PLEKHM2: variants seen among roughly 807,000 people sequenced by gnomAD.
The protein encoded by PLEKHM2 is pleckstrin homology and RUN domain containing M2, also known as pleckstrin homology domain-containing family M member 2.
In PLEKHM2, 77 loss-of-function variants were observed where a neutral mutation model predicts 116.3. That is an observed-to-expected ratio of 0.66 (90% CI 0.55 to 0.80). PLEKHM2 has a LOEUF of 0.80. PLEKHM2 is among the 30% of genes least tolerant of loss of function. The pLI is 0.00. For synonymous variants in PLEKHM2, 562 were observed against 571.0 expected (o/e 0.98, Z 0.22); for missense variants, 1,183 against 1,354.9 (o/e 0.87, Z 1.99).
rs975057068 is a variant in PLEKHM2, at chr1:15,721,754, A to G, written c.712+366A>G. Among the ~76,000 whole-genome samples, 8 of 152,198 alleles carry G rather than the reference A, an allele frequency of 5.3e-5. No individual in the cohort carries two copies. Among genetic ancestry groups the G allele is most frequent in the Admixed American group, 1.3e-4 (2 of 15,278 alleles). ...GTTCTGGAAAACCATGCCTTTAAACATGCGGGTTGTAAGCTCCTGCGGGTC... is the reference window on the plus strand; with the variant it reads ...GTTCTGGAAAACCATGCCTTTAAACGTGCGGGTTGTAAGCTCCTGCGGGTC... On this transcript the variant is annotated intron_variant, in intron 7 of 19. Coordinates refer to ENST00000375799, the MANE Select transcript of PLEKHM2 (RefSeq NM_015164.4). The surrounding 1 kb of genome is among the most constrained non-coding windows in gnomAD (Gnocchi z 5.1).
In PLEKHM2 at chr1:15,728,215, C is replaced by T. The variant is rs1001542916; in HGVS notation, c.1831-52C>T. On this transcript the variant is annotated intron_variant, in intron 10 of 19. Transcript: ENST00000375799. The surrounding 1 kb of genome is among the most constrained non-coding windows in gnomAD (Gnocchi z 5.9). The stretch of plus-strand genomic sequence containing the variant: ...GCAAGGCGGGATGGGCCACCGCCCC[C>T]GCTGGAGCGGCAGGAGCCACCTGCC... The T allele has an allele frequency of 1.1e-5, 17 of 1,605,874 alleles. No individual in the cohort carries two copies. In the East Asian group the frequency reaches 1.3e-4, roughly 13 times the overall value.
chr1:15,686,045 CAAAT>C (rs1047885316), intron 1 of PLEKHM2, among the ~76,000 whole-genome samples: 4 of 152,086 alleles, frequency 2.6e-5, no homozygotes, highest in Admixed American at 6.6e-5. Flanking sequence ...GGATTTCAAA[CAAAT>C]GAATGGAGAA....
chr1:15,684,584 G>T lies in PLEKHM2; in HGVS notation c.26G>T (p.Arg9Leu). The T allele has an allele frequency of 7.6e-7, 1 of 1,311,382 alleles. No individual in the cohort carries two copies. The highest frequency in any genetic ancestry group is 9.8e-7 in the Non-Finnish European group (1 of 1,016,614). The allele number at this position is 1,311,382 out of a possible 1,614,324, so 81.2% of individuals were successfully genotyped here. MEPGEVKD[R>L]ILENISLSVK... ...ATGGAGCCGGGGGAGGTGAAGGACC[G>T]GATCCTGGAGAACATCTCGCTGTCG... The change falls in exon 1 of 20, where the codon CGG (arginine) becomes CTG (leucine). Residue 9 changes from arginine (R) to leucine (L), a missense_variant. By Grantham distance (102) the Arg-to-Leu change is moderately radical. Transcript: ENST00000375799.
chr1:15,723,744 CA>C (rs1056474462), intron 7 of PLEKHM2, among the ~76,000 whole-genome samples: 1,088 of 76,306 alleles, frequency 0.014, 12 homozygotes, highest in African/African-American at 0.04. Flanking sequence ...GACCCTGTCT[CA>C]AAAAAAAAAA....
At chr1:15,731,376 C>T in intron 16 of PLEKHM2, 119 bp downstream of exon 16, 1 of 786,312 alleles carries the variant, frequency 1.3e-6, no homozygotes, top group East Asian at 2.7e-5. Context: ...CATCCAGCGG[C>T]CCTGACAGGT....
intron 7 of PLEKHM2, among the ~76,000 whole-genome samples, chr1:15,724,386 G>C (rs995218947): frequency 1.3e-5 from 2 of 152,168 alleles, no homozygotes; most frequent in Admixed American, 1.3e-4. Context: ...GGGAGGCTAA[G>C]GCAGGAGAAT....
intron 1 of PLEKHM2, among the ~76,000 whole-genome samples, chr1:15,687,158 GTTTGTTT>G (rs571310250): frequency 5.3e-5 from 8 of 151,878 alleles, no homozygotes; most frequent in East Asian, 2.0e-4. Flanking sequence ...GATTTTGTTT[GTTTGTTT>G]TTTGTTTTTT....
At position 15,727,946 on chromosome 1, in the gene PLEKHM2, G is replaced by T; in HGVS notation, c.1760+114G>T. On this transcript the variant is annotated intron_variant, in intron 9 of 19. Coordinates refer to ENST00000375799, the MANE Select transcript of PLEKHM2 (RefSeq NM_015164.4). The surrounding 1 kb of genome is among the most constrained non-coding windows in gnomAD (Gnocchi z 7.5). ...AGGAAGACCTAGCCTGAGTGAGAAG[G>T]GGTGTGAGCCTCCCTCCCTAACTTT... 2 of 1,189,514 alleles carry T rather than the reference G, an allele frequency of 1.7e-6. No homozygotes were observed. Among genetic ancestry groups the T allele is most frequent in the Non-Finnish European group, 1.2e-6 (1 of 826,074 alleles). 73.7% of individuals were successfully genotyped at this position (1,189,514 alleles called of 1,614,324 possible). A position where few individuals can be genotyped will look rare whatever the true frequency, so the allele number is the denominator to read the frequency against.
At chr1:15,706,525 C>A (rs933278758) in intron 1 of PLEKHM2, among the ~76,000 whole-genome samples, 2 of 152,182 alleles carry the variant, frequency 1.3e-5, no homozygotes, top group Non-Finnish European at 2.9e-5. Flanking sequence ...CCTGCCTCAG[C>A]CTCCCGAGTA....
chr1:15,705,992 A>C (rs901867555), intron 1 of PLEKHM2, among the ~76,000 whole-genome samples: 1 of 152,106 alleles, frequency 6.6e-6, no homozygotes. Context: ...GGGAGGTTGA[A>C]GTGGGAGGAT....
intron 1 of PLEKHM2, among the ~76,000 whole-genome samples, chr1:15,714,348 TAAAAAAAAAA>T (rs764341573): frequency 1.8e-5 from 2 of 110,236 alleles, no homozygotes; most frequent in Admixed American, 2.0e-4. Flanking sequence ...ATTTTGAAAT[TAAAAAAAAAA>T]AAAAAAAAAA....
chr1:15,725,025 GA>G (rs1445464712), intron 7 of PLEKHM2, among the ~76,000 whole-genome samples: 1 of 152,218 alleles, frequency 6.6e-6, no homozygotes, highest in East Asian at 1.9e-4. Flanking sequence ...CCTGGAGCTT[GA>G]GCCTGGAGGC....
intron 7 of PLEKHM2, chr1:15,722,984 G>A (rs1414193514): frequency 6.6e-6 from 1 of 152,168 alleles, no homozygotes; most frequent in African/African-American, 2.4e-5. Flanking sequence ...CTCAGGGCAG[G>A]GTGAGATTTC....
intron 7 of PLEKHM2, chr1:15,722,649 G>A (rs1205291705): frequency 1.3e-5 from 2 of 152,210 alleles, no homozygotes; most frequent in African/African-American, 4.8e-5. Context: ...ATGTGAGTAT[G>A]AAATACCTTA....
rs977497510 is a variant in PLEKHM2, at chr1:15,734,750, T to C, written c.*816T>C. 3 of 152,124 alleles carry C rather than the reference T, an allele frequency of 2.0e-5. No individual in the cohort carries two copies. Among genetic ancestry groups the C allele is most frequent in the African/African-American group, 2.4e-5 (1 of 41,434 alleles). The allele number at this position is 152,124 out of a possible 1,614,324, so 9.4% of individuals were successfully genotyped here. ...TTGGGTTTTGTTTTTTAAAATAAAATAGACATGTTATATTGCCAAGGCTTG... is the reference window on the plus strand; with the variant it reads ...TTGGGTTTTGTTTTTTAAAATAAAACAGACATGTTATATTGCCAAGGCTTG... On this transcript the variant is annotated 3_prime_UTR_variant, in exon 20 of 20. Coordinates refer to ENST00000375799, the MANE Select transcript of PLEKHM2 (RefSeq NM_015164.4).
At chr1:15,710,182 G>A (rs1456809911) in intron 1 of PLEKHM2, among the ~76,000 whole-genome samples, 4 of 145,768 alleles carry the variant, frequency 2.7e-5, no homozygotes, top group Admixed American at 1.4e-4. Context: ...AGCCGAGATC[G>A]CGCCACTGCC....
chr1:15,692,896 T>C (rs1271842588), intron 1 of PLEKHM2, among the ~76,000 whole-genome samples: 1 of 146,698 alleles, frequency 6.8e-6, no homozygotes, highest in African/African-American at 2.5e-5. Context: ...TGCACCACCA[T>C]GCCCAGATAA....
At position 15,728,852 on chromosome 1, in the gene PLEKHM2, A is replaced by C. The variant is rs549829377; in HGVS notation, c.1986+119A>C. 10 of 967,768 alleles carry C rather than the reference A, an allele frequency of 1.0e-5. No homozygotes were observed. The African/African-American group carries it at 1.3e-4, about 13-fold the overall frequency. 59.9% of individuals were successfully genotyped at this position (967,768 alleles called of 1,614,324 possible). ...ACTCCCCTCCCGGGGTTGGGCACCA[A>C]CTTAACTCTCAGAGAGGCTTCTGTA... is the stretch of plus-strand genomic sequence containing the variant. On this transcript the variant is annotated intron_variant, in intron 12 of 19. Coordinates refer to ENST00000375799, the MANE Select transcript of PLEKHM2 (RefSeq NM_015164.4). The surrounding 1 kb of genome is among the most constrained non-coding windows in gnomAD (Gnocchi z 5.9).
intron 16 of PLEKHM2, among the ~76,000 whole-genome samples, chr1:15,731,498 C>T (rs2068142870): frequency 6.6e-6 from 1 of 152,118 alleles, no homozygotes; most frequent in Non-Finnish European, 1.5e-5. Context: ...GGAGGCAGGC[C>T]CTTCCCCAGA....
Sources: gnomAD v4.1 joint callset for allele counts (sites outside exome capture counted in the v4.1 genomes callset) on GRCh38, gnomAD v4.1.1 for gene constraint, Gnocchi (gnomAD v3.1) non-coding constraint, MANE v1.5 for transcripts, NCBI Gene and HGNC (gene_info 2026-07-23, HGNC 2026-07-21) for gene names.